Variants in SLC24A3 observed in about 807,000 individuals in gnomAD.
SLC24A3 encodes sodium/potassium/calcium exchanger 3.
A neutral mutation model predicts 75.8 loss-of-function variants in SLC24A3; 28 were observed. That is an observed-to-expected ratio of 0.37 (90% CI 0.27 to 0.51). The LOEUF (loss-of-function observed/expected upper bound fraction) is 0.51, where lower values mean the gene tolerates loss of function less well. Among genes scored for constraint, SLC24A3 ranks in the 20% least tolerant of loss-of-function variants. The pLI, the probability that SLC24A3 is intolerant of heterozygous loss-of-function variation, is 0.94. For synonymous variants in SLC24A3, 372 were observed against 334.1 expected, an observed-to-expected ratio of 1.11 and a Z score of -1.24; for missense variants, 663 against 847.8, an observed-to-expected ratio of 0.78 and a Z score of 2.71.
intron 8 of SLC24A3, among the ~76,000 whole-genome samples, chr20:19,672,390 A>T (rs149911526): frequency 0.012 from 1,818 of 152,258 alleles, 18 homozygotes; most frequent in Middle Eastern, 0.027. Context: ...GCTGTCGTGC[A>T]GTGGTGTAAT....
At chr20:19,411,237 C>T (rs750517999) in intron 2 of SLC24A3, among the ~76,000 whole-genome samples, 5 of 152,142 alleles carry the variant, frequency 3.3e-5, no homozygotes, top group Non-Finnish European at 7.4e-5. Context: ...GCTGAATCTC[C>T]CCATGTTCCC....
At chr20:19,492,597 G>C (rs1436236292) in intron 2 of SLC24A3, among the ~76,000 whole-genome samples, 1 of 152,120 alleles carries the variant, frequency 6.6e-6, no homozygotes, top group Non-Finnish European at 1.5e-5. Context: ...CCTGAGGCCA[G>C]GGATCCAGTG....
At chr20:19,503,745 A>G (rs1488964090) in intron 2 of SLC24A3, among the ~76,000 whole-genome samples, 6 of 152,258 alleles carry the variant, frequency 3.9e-5, no homozygotes, top group Admixed American at 2.6e-4. Context: ...TACAACAGCT[A>G]CGCATATTCT....
In SLC24A3 at chr20:19,506,534, C is replaced by T. The variant is rs184430688; in HGVS notation, c.272-8954C>T. Among the ~76,000 whole-genome samples the T allele has an allele frequency of 2.6e-5, 4 of 152,340 alleles. No individual in the cohort carries two copies. The East Asian group carries it at 5.8e-4, about 22-fold the overall frequency. On this transcript the variant is annotated intron_variant, in intron 2 of 16. Coordinates refer to ENST00000328041, the MANE Select transcript of SLC24A3 (RefSeq NM_020689.4). ...AGTTTGATCTCAGCTCTTCCACTAA[C>T]GTCTATGTGAACTTGGACTGGTTAC...
At chr20:19,577,308 G>T (rs922903216) in intron 3 of SLC24A3, among the ~76,000 whole-genome samples, 1 of 152,172 alleles carries the variant, frequency 6.6e-6, no homozygotes, top group Non-Finnish European at 1.5e-5. Context: ...GCCCGCCTCG[G>T]CCTCCCAAAG....
intron 2 of SLC24A3, among the ~76,000 whole-genome samples, chr20:19,337,344 T>C (rs1985158745): frequency 6.6e-6 from 1 of 152,134 alleles, no homozygotes; most frequent in Admixed American, 6.5e-5. Flanking sequence ...CTCAGGAGGC[T>C]GAGACAGGAG....
intron 2 of SLC24A3, among the ~76,000 whole-genome samples, chr20:19,489,458 G>C (rs373808970): frequency 1.3e-5 from 2 of 152,166 alleles, no homozygotes; most frequent in South Asian, 2.1e-4. Flanking sequence ...AGTAGGCTTT[G>C]TTTATAGTTG....
At chr20:19,406,051 C>T (rs545489623) in intron 2 of SLC24A3, among the ~76,000 whole-genome samples, 2 of 152,202 alleles carry the variant, frequency 1.3e-5, no homozygotes, top group South Asian at 4.2e-4. Context: ...TGGGCCTGCC[C>T]CTCCTTCTTA....
At chr20:19,393,144 T>A (rs1394909944) in intron 2 of SLC24A3, among the ~76,000 whole-genome samples, 1 of 152,324 alleles carries the variant, frequency 6.6e-6, no homozygotes, top group African/African-American at 2.4e-5. Context: ...ACAGAAAACT[T>A]ATGAAATATA....
intron 3 of SLC24A3, among the ~76,000 whole-genome samples, chr20:19,575,248 C>A: frequency 1.1e-5 from 1 of 91,934 alleles, no homozygotes; most frequent in South Asian, 4.9e-4. Flanking sequence ...CAGAGTGAGA[C>A]ACTCTCAAAA....
chr20:19,257,942 C>T (rs1438334803), intron 1 of SLC24A3, among the ~76,000 whole-genome samples: 2 of 152,246 alleles, frequency 1.3e-5, no homozygotes, highest in Non-Finnish European at 2.9e-5. Flanking sequence ...CCTCTCATCT[C>T]AGTCTCCTGA....
At chr20:19,648,941 G>A (rs1303153018) in intron 6 of SLC24A3, among the ~76,000 whole-genome samples, 2 of 152,360 alleles carry the variant, frequency 1.3e-5, no homozygotes, top group East Asian at 3.9e-4. Context: ...AATCTGTGGA[G>A]GAGTGGATGG....
chr20:19,687,101 A>G (rs574757722), intron 12 of SLC24A3, among the ~76,000 whole-genome samples: 3 of 152,346 alleles, frequency 2.0e-5, no homozygotes, highest in Admixed American at 6.5e-5. Context: ...GTAGGTCAGA[A>G]GTCCTGCTGG....
chr20:19,337,815 G>A (rs1356337956), intron 2 of SLC24A3, among the ~76,000 whole-genome samples: 1 of 152,190 alleles, frequency 6.6e-6, no homozygotes, highest in East Asian at 1.9e-4. Flanking sequence ...TCAGCTTGGG[G>A]CTGGCTCGAT....
intron 15 of SLC24A3, among the ~76,000 whole-genome samples, chr20:19,711,310 T>C (rs540874103): frequency 9.7e-4 from 132 of 135,590 alleles, no homozygotes; most frequent in African/African-American, 3.7e-3. Context: ...CATGCACACA[T>C]ACAAACGCAC....
At chr20:19,536,384 G>C (rs2030396549) in intron 3 of SLC24A3, among the ~76,000 whole-genome samples, 1 of 152,100 alleles carries the variant, frequency 6.6e-6, no homozygotes, top group Admixed American at 6.5e-5. Flanking sequence ...TGACTCTGAG[G>C]ACAGATGATG....
At chr20:19,712,152 T>C (rs1239566852) in intron 15 of SLC24A3, among the ~76,000 whole-genome samples, 4 of 152,090 alleles carry the variant, frequency 2.6e-5, no homozygotes, top group Non-Finnish European at 5.9e-5. Flanking sequence ...GGTCTCACTA[T>C]GTTGCCCAGG....
chr20:19,576,327 C>T (rs779241405), intron 3 of SLC24A3, among the ~76,000 whole-genome samples: 40 of 152,130 alleles, frequency 2.6e-4, no homozygotes, highest in Admixed American at 2.6e-4. Flanking sequence ...TGTCACACTC[C>T]CAGTAGGTTT....
chr20:19,282,434 G>T (rs1020764254), intron 2 of SLC24A3, among the ~76,000 whole-genome samples: 1 of 152,242 alleles, frequency 6.6e-6, no homozygotes, highest in Non-Finnish European at 1.5e-5. Flanking sequence ...CAGCACATGG[G>T]CAGCTACGTG....
Sources: gnomAD v4.1 joint callset for allele counts (sites outside exome capture counted in the v4.1 genomes callset) on GRCh38, gnomAD v4.1.1 for gene constraint, MANE v1.5 for transcripts, NCBI Gene and HGNC (gene_info 2026-07-23, HGNC 2026-07-21) for gene names.